SRGAP1: variants seen among roughly 807,000 people sequenced by gnomAD.
The protein encoded by SRGAP1 is SLIT-ROBO Rho GTPase activating protein 1, also known as SLIT-ROBO Rho GTPase-activating protein 1.
SRGAP1 carries 43 observed loss-of-function variants against 121.9 expected under a neutral mutation model. That is an observed-to-expected ratio of 0.35 (90% CI 0.28 to 0.46). The LOEUF is 0.46. Among genes scored for constraint, SRGAP1 ranks in the 20% least tolerant of loss-of-function variants. The probability of loss-of-function intolerance (pLI) is 1.00; values close to 1 mark genes in which losing one functional copy is unlikely to be tolerated. For synonymous variants in SRGAP1, 447 were observed against 485.4 expected (o/e 0.92, Z 1.04); for missense variants, 1,102 against 1,350.9 (o/e 0.82, Z 2.89).
intron 6 of SRGAP1, among the ~76,000 whole-genome samples, chr12:64,062,101 G>C (rs806070): frequency 0.94 from 143,465 of 152,200 alleles, 68,162 homozygotes; most frequent in East Asian, 1. Flanking sequence ...GAAACTACCA[G>C]ATTGCTTTCC....
In SRGAP1 at chr12:64,148,623, G is replaced by A. The variant is rs1406275061; in HGVS notation, c.*5951G>A. Reference sequence around the variant, plus strand: ...TAAATATAAAAAAAAGATAACTTGAGGTCTAGCAATATGTAGTAGATAGCT... The same window carrying A: ...TAAATATAAAAAAAAGATAACTTGAAGTCTAGCAATATGTAGTAGATAGCT... On this transcript the variant is annotated 3_prime_UTR_variant, in exon 22 of 22. Coordinates refer to ENST00000355086, the MANE Select transcript of SRGAP1 (RefSeq NM_020762.4). The A allele has an allele frequency of 6.6e-6, 1 of 152,082 alleles. No individual in the cohort carries two copies. The highest frequency in any genetic ancestry group is 1.5e-5 in the Non-Finnish European group (1 of 68,016). The allele number at this position is 152,082 out of a possible 1,614,324, so 9.4% of individuals were successfully genotyped here.
chr12:64,077,448 AATG>A (rs1203387542), intron 8 of SRGAP1, among the ~76,000 whole-genome samples: 5 of 149,642 alleles, frequency 3.3e-5, no homozygotes, highest in African/African-American at 1.2e-4. Flanking sequence ...ATAAAATAAT[AATG>A]TCTTAAATTT....
At chr12:63,959,457 A>G (rs2032570782) in intron 1 of SRGAP1, among the ~76,000 whole-genome samples, 1 of 152,238 alleles carries the variant, frequency 6.6e-6, no homozygotes, top group African/African-American at 2.4e-5. Context: ...TAGAAACTCA[A>G]GAAATCCAAT....
chr12:63,952,305 A>G (rs554844052), intron 1 of SRGAP1, among the ~76,000 whole-genome samples: 1 of 152,168 alleles, frequency 6.6e-6, no homozygotes, highest in Non-Finnish European at 1.5e-5. Context: ...TGAAGCCAGG[A>G]GTTTGAGACT....
chr12:64,099,163 T>A (rs2036215844), intron 15 of SRGAP1, among the ~76,000 whole-genome samples: 2 of 152,354 alleles, frequency 1.3e-5, no homozygotes, highest in African/African-American at 4.8e-5. Context: ...TCATCAGCTG[T>A]GTGACCTTAG....
intron 6 of SRGAP1, among the ~76,000 whole-genome samples, chr12:64,045,870 T>C (rs758083696): frequency 2.7e-4 from 41 of 152,234 alleles, no homozygotes; most frequent in Admixed American, 5.9e-4. Flanking sequence ...TTCATCTTTA[T>C]TGATTTTATG....
At chr12:63,897,096 T>C (rs1046212449) in intron 1 of SRGAP1, among the ~76,000 whole-genome samples, 1 of 152,198 alleles carries the variant, frequency 6.6e-6, no homozygotes, top group Non-Finnish European at 1.5e-5. Flanking sequence ...AGACATAAAT[T>C]GAATCTTAGT....
At chr12:63,974,427 C>T (rs2033038886) in intron 1 of SRGAP1, among the ~76,000 whole-genome samples, 1 of 152,046 alleles carries the variant, frequency 6.6e-6, no homozygotes, top group Non-Finnish European at 1.5e-5. Flanking sequence ...TGAATACAGC[C>T]TCTATGTGTC....
rs2037140606 is a variant in SRGAP1, at chr12:64,153,609, A to T, written c.*10937A>T. The T allele has an allele frequency of 6.6e-6, 1 of 152,194 alleles. No homozygotes were observed. The highest frequency in any genetic ancestry group is 2.4e-5 in the African/African-American group (1 of 41,448). 9.4% of individuals were successfully genotyped at this position (152,194 alleles called of 1,614,324 possible). A position where few individuals can be genotyped will look rare whatever the true frequency, so the allele number is the denominator to read the frequency against. On this transcript the variant is annotated 3_prime_UTR_variant, in exon 22 of 22. Transcript: ENST00000355086. ...CAAAACCACAATGAGATATCACCTC[A>T]TACCCATTAGGATGGCCACTCTCAA...
intron 1 of SRGAP1, among the ~76,000 whole-genome samples, chr12:63,956,720 C>CTTTTTTTTTT (rs3067620): frequency 2.1e-5 from 2 of 96,978 alleles, no homozygotes; most frequent in African/African-American, 8.3e-5. Flanking sequence ...GTAAGCAAGG[C>CTTTTTTTTTT]TTTTTTTTTT....
intron 4 of SRGAP1, among the ~76,000 whole-genome samples, chr12:64,019,115 A>G (rs1299254636): frequency 6.6e-6 from 1 of 152,232 alleles, no homozygotes; most frequent in East Asian, 1.9e-4. Context: ...TAGTAGTAGT[A>G]GTAAAGACAA....
chr12:63,851,024 C>T (rs972508248), intron 1 of SRGAP1, among the ~76,000 whole-genome samples: 7 of 151,808 alleles, frequency 4.6e-5, no homozygotes, highest in African/African-American at 1.7e-4. Flanking sequence ...GGTGTGGTAG[C>T]ATGTATCTAT....
At chr12:64,137,598 A>G (rs1405092172) in intron 21 of SRGAP1, among the ~76,000 whole-genome samples, 1 of 152,204 alleles carries the variant, frequency 6.6e-6, no homozygotes, top group Non-Finnish European at 1.5e-5. Context: ...TACCACATCC[A>G]TACATAATCA....
At chr12:64,111,662 G>T in intron 16 of SRGAP1, 100 bp from the exon 17 acceptor site, 1 of 1,033,616 alleles carries the variant, frequency 9.7e-7, no homozygotes, top group Non-Finnish European at 1.4e-6. Context: ...ACTTAAAGTT[G>T]AAGTATCTTA....
chr12:64,034,888 T>C (rs2034863631), intron 4 of SRGAP1, among the ~76,000 whole-genome samples: 1 of 152,162 alleles, frequency 6.6e-6, no homozygotes, highest in Admixed American at 6.5e-5. Context: ...GCAAGTGTAA[T>C]TGAAGTTTTG....
chr12:63,894,812 T>C (rs1383266390), intron 1 of SRGAP1, among the ~76,000 whole-genome samples: 1 of 152,236 alleles, frequency 6.6e-6, no homozygotes, highest in Non-Finnish European at 1.5e-5. Flanking sequence ...CATCCTTTTT[T>C]ATGGCTGCAT....
chr12:64,060,353 C>G (rs971333137), intron 6 of SRGAP1, among the ~76,000 whole-genome samples: 4 of 151,786 alleles, frequency 2.6e-5, no homozygotes, highest in African/African-American at 9.7e-5. Flanking sequence ...GACCACAGCA[C>G]CCACCCCTAT....
chr12:63,917,817 C>T (rs967901974), intron 1 of SRGAP1, among the ~76,000 whole-genome samples: 13 of 151,610 alleles, frequency 8.6e-5, no homozygotes, highest in Admixed American at 1.3e-4. Flanking sequence ...TTCTTGTACA[C>T]ACCAATTTCC....
At chr12:64,014,515 T>C (rs988524924) in intron 3 of SRGAP1, among the ~76,000 whole-genome samples, 1 of 152,122 alleles carries the variant, frequency 6.6e-6, no homozygotes, top group East Asian at 1.9e-4. Context: ...CTAATGCATA[T>C]TAGGCTTAAT....
Sources: allele counts gnomAD v4.1 joint callset (sites outside exome capture counted in the v4.1 genomes callset), GRCh38; gene constraint gnomAD v4.1.1; transcripts MANE v1.5; gene names NCBI Gene and HGNC (gene_info 2026-07-23, HGNC 2026-07-21).